Variants in SFI1 observed in about 807,000 individuals in gnomAD.
SFI1 encodes SFI1 centrin binding protein.
SFI1 carries 195 observed loss-of-function variants against 207.5 expected under a neutral mutation model. The ratio of observed to expected loss-of-function variants is 0.94; its 90% CI spans 0.84 to 1.06. The LOEUF (loss-of-function observed/expected upper bound fraction) is 1.06, where lower values mean the gene tolerates loss of function less well. SFI1 is among the 50% of genes least tolerant of loss of function. The probability of loss-of-function intolerance (pLI) is 0.00; values close to 1 mark genes in which losing one functional copy is unlikely to be tolerated. For missense variants in SFI1, 1,634 were observed against 1,588.0 expected, an observed-to-expected ratio of 1.03 and a Z score of -0.49; for synonymous variants, 630 against 598.9, an observed-to-expected ratio of 1.05 and a Z score of -0.76.
At chr22:31,577,741 AAAG>A (rs2063680744) in intron 10 of SFI1, among the ~76,000 whole-genome samples, 1 of 152,148 alleles carries the variant, frequency 6.6e-6, no homozygotes, top group Non-Finnish European at 1.5e-5. Context: ...TTAAAAAAGA[AAAG>A]AAGTGCAGTC....
chr22:31,596,791 A>G (rs925551384), intron 15 of SFI1, among the ~76,000 whole-genome samples: 5 of 151,708 alleles, frequency 3.3e-5, no homozygotes, highest in African/African-American at 9.7e-5. Context: ...CTCAAAAAAA[A>G]AAAAAAAAAA....
chr22:31,589,711 G>C (rs1482775897), intron 15 of SFI1, 134 bp downstream of exon 15: 6 of 850,428 alleles, frequency 7.1e-6, no homozygotes, highest in Non-Finnish European at 1.0e-5. Flanking sequence ...TCAGTAATGT[G>C]GGCTCATTGA....
At chr22:31,616,036 A>G (rs185916756) in intron 29 of SFI1, 1 of 152,246 alleles carries the variant, frequency 6.6e-6, no homozygotes, top group Non-Finnish European at 1.5e-5. Flanking sequence ...AGGTAACCCC[A>G]GAGCCACTGC....
chr22:31,611,563 C>T lies in SFI1; in HGVS notation c.2416-203C>T, dbSNP rs551198245. On this transcript the variant is annotated intron_variant, in intron 23 of 32. Coordinates refer to ENST00000400288, the MANE Select transcript of SFI1 (RefSeq NM_001007467.3). ...CGGAAAAACCCGGTTCATGCTGACCCGTGGCTTATCAGTGCTGGGGGACCT... is the reference window on the plus strand; with the variant it reads ...CGGAAAAACCCGGTTCATGCTGACCTGTGGCTTATCAGTGCTGGGGGACCT... Among the ~76,000 whole-genome samples, 9 of 152,298 alleles carry T rather than the reference C, an allele frequency of 5.9e-5. No homozygotes were observed. The South Asian group carries it at 1.9e-3, about 32-fold the overall frequency.
At position 31,534,959 on chromosome 22, in the gene SFI1, C is replaced by T. The variant is rs372564058; in HGVS notation, c.338+3830C>T. 8.1e-5 allele frequency among the ~76,000 whole-genome samples: 12 copies of T among 147,738 alleles called. No homozygotes were observed. In the East Asian group the frequency reaches 8.1e-4, roughly 10 times the overall value. On this transcript the variant is annotated intron_variant, in intron 4 of 32. Coordinates refer to ENST00000400288, the MANE Select transcript of SFI1 (RefSeq NM_001007467.3). Reference sequence around the variant, plus strand: ...CATGATCTCAGCTCAGTGCAACCTCCGCCTCCTGAGTTCAAGCAATTCTTC... The same window carrying T: ...CATGATCTCAGCTCAGTGCAACCTCTGCCTCCTGAGTTCAAGCAATTCTTC...
At chr22:31,519,637 CA>C (rs1342934069) in intron 2 of SFI1, among the ~76,000 whole-genome samples, 23 of 152,096 alleles carry the variant, frequency 1.5e-4, no homozygotes, top group African/African-American at 5.1e-4. Flanking sequence ...AGGGTTTCAC[CA>C]TGTTGGCCAG....
chr22:31,612,862 G>A (rs900736722), intron 24 of SFI1: 2 of 470,902 alleles, frequency 4.2e-6, no homozygotes, highest in Non-Finnish European at 7.7e-6. Context: ...CCGTTCTGTT[G>A]TCCTGTTTTC....
At chr22:31,570,925 A>G (rs2062880255) in intron 8 of SFI1, among the ~76,000 whole-genome samples, 1 of 152,222 alleles carries the variant, frequency 6.6e-6, no homozygotes, top group Non-Finnish European at 1.5e-5. Context: ...TGGCAGGTCA[A>G]GGGAGGTGAG....
At chr22:31,545,625 A>G (rs998517148) in intron 4 of SFI1, among the ~76,000 whole-genome samples, 7 of 150,488 alleles carry the variant, frequency 4.7e-5, no homozygotes, top group Non-Finnish European at 1.0e-4. Context: ...TTTGTTGCCC[A>G]TGTTGGAGTG....
intron 2 of SFI1, among the ~76,000 whole-genome samples, chr22:31,511,464 G>GTTTTT (rs758898165): frequency 0.017 from 1,895 of 114,338 alleles, 100 homozygotes; most frequent in Admixed American, 0.034. Flanking sequence ...CATAGTTTCT[G>GTTTTT]TTTTTTTTTT....
intron 12 of SFI1, among the ~76,000 whole-genome samples, chr22:31,582,531 C>T (rs1248210298): frequency 6.6e-6 from 1 of 151,612 alleles, no homozygotes; most frequent in Non-Finnish European, 1.5e-5. Flanking sequence ...GGATTACAGG[C>T]GTGAGCCACG....
intron 4 of SFI1, among the ~76,000 whole-genome samples, chr22:31,534,287 C>T (rs958217283): frequency 6.6e-6 from 1 of 152,080 alleles, no homozygotes; most frequent in Admixed American, 6.6e-5. Context: ...GCCACTGTGC[C>T]CAGCCTATTA....
rs191972042 is a variant in SFI1, at chr22:31,608,878, C to T, written c.2254+845C>T. On this transcript the variant is annotated intron_variant, in intron 22 of 32. Coordinates refer to ENST00000400288, the MANE Select transcript of SFI1 (RefSeq NM_001007467.3). ...AAAGATTGCAGGGCACAGTGGTACA[C>T]ACCTATAGTCCCAGCTACTTGGGAG... is the stretch of plus-strand genomic sequence containing the variant. Among the ~76,000 whole-genome samples the T allele has an allele frequency of 5.9e-5, 9 of 152,180 alleles. No individual in the cohort carries two copies. In the East Asian group the frequency reaches 1.8e-3, roughly 30 times the overall value.
intron 2 of SFI1, among the ~76,000 whole-genome samples, chr22:31,514,775 CTTTT>C (rs1219405122): frequency 7.1e-6 from 1 of 141,094 alleles, no homozygotes; most frequent in Non-Finnish European, 1.6e-5. Context: ...GAATTTCTTC[CTTTT>C]TTTTTTTTTT....
chr22:31,589,914 C>T (rs1427288113), intron 15 of SFI1, among the ~76,000 whole-genome samples: 1 of 151,440 alleles, frequency 6.6e-6, no homozygotes, highest in South Asian at 2.1e-4. Flanking sequence ...AATTGACTTA[C>T]ACTATTATGG....
chr22:31,611,781 A>G lies in SFI1; in HGVS notation c.2431A>G (p.Ser811Gly). ...CVRKRLLHRQ[S>G]TQLLAQRLSR... ...TCTCCCCCAGCTCCTGCACAGGCAG[A>G]GCACCCAACTGCTGGCACAGAGACT... Residue 811 changes from serine (S) to glycine (G), a missense_variant, in exon 24 of 33, where the codon AGC becomes GGC. Ser to Gly is a moderately conservative substitution (Grantham distance 56). Transcript: ENST00000400288. 1 of 1,613,658 alleles carries G rather than the reference A, an allele frequency of 6.2e-7. No individual in the cohort carries two copies. The highest frequency in any genetic ancestry group is 8.5e-7 in the Non-Finnish European group (1 of 1,179,958).
chr22:31,601,657 G>A (rs995417765), intron 15 of SFI1, among the ~76,000 whole-genome samples: 4 of 152,140 alleles, frequency 2.6e-5, no homozygotes, highest in African/African-American at 9.7e-5. Context: ...AGTCTTTTTC[G>A]TACGGTGTGA....
Position 31,604,392 on chromosome 22 carries a change from G to T in SFI1, c.1965G>T (p.Leu655=). The change falls in exon 19 of 33, where the codon CTG becomes CTT. Residue 655 remains leucine, a synonymous_variant. Transcript: ENST00000400288. ...AGCACAGCGTGCTGCACAGGGCGCT[G>T]CAGGCATGGGTGGTAGGAACTGCTG... ...HHQHSVLHRA[L]QAWVTYQGRV... is the part of the protein sequence containing the mutation. 1 of 1,544,318 alleles carries T rather than the reference G, an allele frequency of 6.5e-7. No individual in the cohort carries two copies. Among genetic ancestry groups the T allele is most frequent in the Non-Finnish European group, 8.7e-7 (1 of 1,148,092 alleles).
chr22:31,577,277 T>C (rs1329257330), intron 10 of SFI1, among the ~76,000 whole-genome samples: 3 of 152,198 alleles, frequency 2.0e-5, no homozygotes, highest in Non-Finnish European at 4.4e-5. Context: ...GGAAGGTTGA[T>C]GTCTTAGGGG....
Sources: allele counts gnomAD v4.1 joint callset (sites outside exome capture counted in the v4.1 genomes callset), GRCh38; gene constraint gnomAD v4.1.1; transcripts MANE v1.5; gene names NCBI Gene and HGNC (gene_info 2026-07-23, HGNC 2026-07-21).